Variants in PRPH2 observed in about 807,000 individuals in gnomAD.
PRPH2 encodes the protein peripherin-2.
Under a neutral mutation model 31.3 loss-of-function variants are expected in PRPH2, and 17 were observed. That is an observed-to-expected ratio of 0.54 (90% CI 0.37 to 0.81). The LOEUF is 0.81. PRPH2 is among the 40% of genes least tolerant of loss of function. PRPH2 has a pLI of 0.00. For synonymous variants in PRPH2, 165 were observed against 184.4 expected (o/e 0.89, Z 0.85); for missense variants, 430 against 439.7 (o/e 0.98, Z 0.20).
At chr6:42,704,751 T>TGCCAGTCA in intron 1 of PRPH2, 140 bp from the exon 2 acceptor site, 1 of 1,294,916 alleles carries the variant, frequency 7.7e-7, no homozygotes, top group Non-Finnish European at 1.1e-6. Flanking sequence ...GCCCGCTACG[T>TGCCAGTCA]GCCAGTCACT....
intron 2 of PRPH2, among the ~76,000 whole-genome samples, chr6:42,699,592 A>G (rs1800012980): frequency 6.6e-6 from 1 of 152,190 alleles, no homozygotes; most frequent in African/African-American, 2.4e-5. Context: ...TAATATGTGT[A>G]AAACACACAG....
chr6:42,698,767 C>G (rs1799995936), intron 2 of PRPH2, among the ~76,000 whole-genome samples: 1 of 152,128 alleles, frequency 6.6e-6, no homozygotes, highest in Admixed American at 6.5e-5. Context: ...GCCCATGCCC[C>G]CTACTTTCTC....
At position 42,698,461 on chromosome 6, in the gene PRPH2, C is replaced by T. The variant is rs1460122873; in HGVS notation, c.875G>A (p.Gly292Asp). Residue 292 changes from glycine (G) to aspartate (D), a missense_variant, in exon 3 of 3, where the codon GGT becomes GAT. Coordinates refer to ENST00000230381, the MANE Select transcript of PRPH2 (RefSeq NM_000322.5). ...GLRYLQTSLD[G>D]VSNPEESESE... is the part of the protein sequence containing the mutation. ...CTCAGATTCCTCGGGGTTGGACACA[C>T]CATCCAGCGACGTCTGTAGGTAGCG... 2 of 1,614,170 alleles carry T rather than the reference C, an allele frequency of 1.2e-6. No homozygotes were observed. Among genetic ancestry groups the T allele is most frequent in the Admixed American group, 1.7e-5 (1 of 60,028 alleles).
intron 1 of PRPH2, among the ~76,000 whole-genome samples, chr6:42,705,788 G>A (rs1354996936): frequency 3.4e-5 from 5 of 149,166 alleles, no homozygotes; most frequent in African/African-American, 1.2e-4. Flanking sequence ...GTGAAACCCC[G>A]TCTCTACTAA....
chr6:42,704,353 C>G lies in PRPH2; in HGVS notation c.828+12G>C, dbSNP rs775450704. On this transcript the variant is annotated intron_variant, in intron 2 of 2. Coordinates refer to ENST00000230381, the MANE Select transcript of PRPH2 (RefSeq NM_000322.5). ...CTCCTTACCCTCTACCCCCAGCTGG[C>G]CCAGGGCCTACCTCGAAGAGCCAAA... is the stretch of plus-strand genomic sequence containing the variant. The G allele has an allele frequency of 6.2e-7, 1 of 1,605,784 alleles. No individual in the cohort carries two copies. Among genetic ancestry groups the G allele is most frequent in the South Asian group, 1.1e-5 (1 of 89,572 alleles).
chr6:42,703,122 A>G (rs1349900538), intron 2 of PRPH2, among the ~76,000 whole-genome samples: 1 of 152,010 alleles, frequency 6.6e-6, no homozygotes, highest in East Asian at 1.9e-4. Flanking sequence ...TGAGCCCAGG[A>G]GTTCAAGGCT....
intron 1 of PRPH2, among the ~76,000 whole-genome samples, chr6:42,717,188 G>T: frequency 6.6e-6 from 1 of 150,704 alleles, no homozygotes; most frequent in Non-Finnish European, 1.5e-5. Context: ...CAAGGAAGGT[G>T]GATCACTTGA....
intron 1 of PRPH2, among the ~76,000 whole-genome samples, chr6:42,715,671 A>G (rs766154206): frequency 4.6e-5 from 7 of 152,178 alleles, no homozygotes; most frequent in Admixed American, 1.3e-4. Context: ...ACTCCATTTC[A>G]AAAAACAAAA....
At chr6:42,719,652 T>C (rs1985910) in intron 1 of PRPH2, among the ~76,000 whole-genome samples, 86,530 of 146,818 alleles carry the variant, frequency 0.59, 25,218 homozygotes, top group Middle Eastern at 0.65. Context: ...CTCACCACAA[T>C]CTCTGCCTCC....
intron 1 of PRPH2, among the ~76,000 whole-genome samples, chr6:42,706,134 G>A (rs1047048574): frequency 1.3e-4 from 20 of 151,866 alleles, no homozygotes; most frequent in South Asian, 2.1e-4. Context: ...GGCCGGGCAC[G>A]GTGGCTCAAG....
At chr6:42,713,729 T>C (rs1458424747) in intron 1 of PRPH2, among the ~76,000 whole-genome samples, 1 of 151,746 alleles carries the variant, frequency 6.6e-6, no homozygotes, top group African/African-American at 2.4e-5. Flanking sequence ...GAGACCAGCC[T>C]GGCCAACATG....
Position 42,696,895 on chromosome 6 carries a change from C to T in PRPH2, c.*1400G>A, listed in dbSNP as rs548297008. On this transcript the variant is annotated 3_prime_UTR_variant, in exon 3 of 3. Coordinates refer to ENST00000230381, the MANE Select transcript of PRPH2 (RefSeq NM_000322.5). ...AAGCCCAGAACATACCCCAGCAGCA[C>T]CAGAAGTCTTATTTTCTCTACACTG... 3.3e-5 allele frequency: 5 copies of T among 151,946 alleles called. No individual in the cohort carries two copies. The highest frequency in any genetic ancestry group is 1.2e-4 in the African/African-American group (5 of 41,400). 9.4% of individuals were successfully genotyped at this position (151,946 alleles called of 1,614,324 possible).
At chr6:42,713,472 G>T (rs1276265211) in intron 1 of PRPH2, among the ~76,000 whole-genome samples, 3 of 152,150 alleles carry the variant, frequency 2.0e-5, no homozygotes, top group African/African-American at 7.2e-5. Context: ...AGCCCGGAAT[G>T]GTGTTTCTAG....
At chr6:42,702,414 CA>C (rs1053357460) in intron 2 of PRPH2, among the ~76,000 whole-genome samples, 4 of 151,632 alleles carry the variant, frequency 2.6e-5, no homozygotes, top group Admixed American at 2.6e-4. Flanking sequence ...GCTTCCTCAC[CA>C]AATCTTCCTG....
intron 2 of PRPH2, among the ~76,000 whole-genome samples, chr6:42,703,202 A>G (rs1365020023): frequency 1.3e-5 from 2 of 152,310 alleles, no homozygotes; most frequent in African/African-American, 4.8e-5. Flanking sequence ...TTGTCTCTAA[A>G]AAAAATAATA....
At chr6:42,718,556 G>A (rs1435013685) in intron 1 of PRPH2, among the ~76,000 whole-genome samples, 2 of 152,034 alleles carry the variant, frequency 1.3e-5, no homozygotes. Context: ...CTGCACCCTT[G>A]GAAGAACACG....
At chr6:42,720,343 G>T (rs1051928306) in intron 1 of PRPH2, among the ~76,000 whole-genome samples, 6 of 152,072 alleles carry the variant, frequency 3.9e-5, no homozygotes, top group Non-Finnish European at 7.4e-5. Flanking sequence ...GCTCACAGAG[G>T]CTGGTTCTAC....
chr6:42,709,405 A>G (rs1157852947), intron 1 of PRPH2, among the ~76,000 whole-genome samples: 3 of 145,432 alleles, frequency 2.1e-5, no homozygotes, highest in Non-Finnish European at 3.0e-5. Flanking sequence ...GGAGTTCCCC[A>G]CCTCCCTTGT....
In PRPH2 at chr6:42,706,466, G is replaced by A. The variant is rs137959313; in HGVS notation, c.582-1855C>T. Reference sequence around the variant, plus strand: ...AAAAATACAAAAAAATTAGCCAGGCGTTGTGGTGCATGCCTGTAGTCCCAG... The same window carrying A: ...AAAAATACAAAAAAATTAGCCAGGCATTGTGGTGCATGCCTGTAGTCCCAG... On this transcript the variant is annotated intron_variant, in intron 1 of 2. Coordinates refer to ENST00000230381, the MANE Select transcript of PRPH2 (RefSeq NM_000322.5). 3.9e-3 allele frequency among the ~76,000 whole-genome samples: 584 copies of A among 150,224 alleles called. 1 individual carries two copies. The highest frequency in any genetic ancestry group is 0.013 in the African/African-American group (543 of 41,046).
Sources: gnomAD v4.1 joint callset for allele counts (sites outside exome capture counted in the v4.1 genomes callset) on GRCh38, gnomAD v4.1.1 for gene constraint, MANE v1.5 for transcripts, NCBI Gene and HGNC (gene_info 2026-07-23, HGNC 2026-07-21) for gene names.